The following ETV5 variants were observed in gnomAD, a reference collection of about 807,000 sequenced individuals.
ETV5 encodes the protein ETS translocation variant 5.
In ETV5, 10 loss-of-function variants were observed where a neutral mutation model predicts 70.0. The observed-to-expected ratio is 0.14, with a 90% CI of 0.09 to 0.24. The LOEUF (loss-of-function observed/expected upper bound fraction) is 0.24, where lower values mean the gene tolerates loss of function less well. ETV5 is among the 10% of genes least tolerant of loss of function. The pLI, the probability that ETV5 is intolerant of heterozygous loss-of-function variation, is 1.00. For synonymous variants in ETV5, 216 were observed against 242.2 expected, an observed-to-expected ratio of 0.89 and a Z score of 1.01; for missense variants, 453 against 651.2, an observed-to-expected ratio of 0.70 and a Z score of 3.31.
At chr3:186,108,738 A>C in intron 1 of ETV5, 2 of 983,062 alleles carry the variant, frequency 2.0e-6, no homozygotes, top group Admixed American at 4.5e-5. Context: ...CGTTAGCCGC[A>C]CCCGCCCGAC....
intron 5 of ETV5, among the ~76,000 whole-genome samples, chr3:186,101,271 T>C (rs975012085): frequency 6.6e-6 from 1 of 152,162 alleles, no homozygotes; most frequent in African/African-American, 2.4e-5. Context: ...CTAGGAAACA[T>C]GGCAGTTTTC....
intron 8 of ETV5, among the ~76,000 whole-genome samples, chr3:186,065,144 C>A (rs937618119): frequency 6.6e-6 from 1 of 152,056 alleles, no homozygotes; most frequent in Non-Finnish European, 1.5e-5. Flanking sequence ...TGAGTTGTGT[C>A]CATGTGGGAT....
Position 186,047,592 on chromosome 3 carries a change from C to T in ETV5, c.*1047G>A, listed in dbSNP as rs1443761353. The stretch of plus-strand genomic sequence containing the variant: ...AAGCTTGTGTCCAGGCTGCCCTGCA[C>T]ACTTCAAAAATGTACAACTCAGGTG... On this transcript the variant is annotated 3_prime_UTR_variant, in exon 13 of 13. Coordinates refer to ENST00000306376, the MANE Select transcript of ETV5 (RefSeq NM_004454.3). The T allele has an allele frequency of 4.3e-6, 1 of 232,298 alleles. No individual in the cohort carries two copies. The highest frequency in any genetic ancestry group is 8.5e-6 in the Non-Finnish European group (1 of 117,228). The allele number at this position is 232,298 out of a possible 1,614,324, so 14.4% of individuals were successfully genotyped here.
At chr3:186,061,483 T>C (rs1194204423) in intron 9 of ETV5, among the ~76,000 whole-genome samples, 1 of 152,204 alleles carries the variant, frequency 6.6e-6, no homozygotes, top group East Asian at 1.9e-4. Context: ...AGGCCTGGGA[T>C]GGGTCCTGAG....
At chr3:186,064,358 A>C in intron 9 of ETV5, 59 bp downstream of exon 9, 4 of 1,507,260 alleles carry the variant, frequency 2.7e-6, no homozygotes, top group Non-Finnish European at 3.7e-6. Context: ...AGCCGAGAGA[A>C]AGAAAGGAAG....
intron 6 of ETV5, 52 bp from the exon 7 acceptor site, chr3:186,080,156 A>G: frequency 2.1e-6 from 3 of 1,410,640 alleles, no homozygotes; most frequent in Non-Finnish European, 2.8e-6. Flanking sequence ...AGCCATTAGC[A>G]TGGTTACCAG....
Position 186,105,181 on chromosome 3 carries a change from G to A in ETV5, c.232+124C>T. The A allele has an allele frequency of 2.9e-6, 2 of 700,730 alleles. No homozygotes were observed. Among genetic ancestry groups the A allele is most frequent in the African/African-American group, 1.8e-5 (1 of 54,520 alleles). The allele number at this position is 700,730 out of a possible 1,614,324, so 43.4% of individuals were successfully genotyped here. On this transcript the variant is annotated intron_variant, in intron 5 of 12. Transcript: ENST00000306376. The surrounding 1 kb of genome is among the most constrained non-coding windows in gnomAD (Gnocchi z 4.5). ...TTTCAGGGTTAATTCTGAATTATTAGAAGAAACTAAATGCATACTACTGTC... is the reference window on the plus strand; with the variant it reads ...TTTCAGGGTTAATTCTGAATTATTAAAAGAAACTAAATGCATACTACTGTC...
chr3:186,061,936 A>C (rs1386489536), intron 9 of ETV5, among the ~76,000 whole-genome samples: 1 of 152,228 alleles, frequency 6.6e-6, no homozygotes, highest in Non-Finnish European at 1.5e-5. Context: ...ACAATGTACT[A>C]AAAACAACAA....
chr3:186,082,462 C>T (rs1181615127), intron 5 of ETV5, among the ~76,000 whole-genome samples: 1 of 146,752 alleles, frequency 6.8e-6, no homozygotes, highest in Non-Finnish European at 1.5e-5. Flanking sequence ...GAGTCTTACT[C>T]TGTCGCCCAG....
At chr3:186,059,489 A>G (rs1713254338) in intron 9 of ETV5, among the ~76,000 whole-genome samples, 1 of 152,210 alleles carries the variant, frequency 6.6e-6, no homozygotes, top group African/African-American at 2.4e-5. Flanking sequence ...GATCTTGAAT[A>G]AATTAATCTC....
intron 5 of ETV5, among the ~76,000 whole-genome samples, chr3:186,101,193 CACAA>C (rs759166470): frequency 2.7e-4 from 41 of 152,336 alleles, no homozygotes; most frequent in Admixed American, 2.1e-3. Context: ...TATACACATG[CACAA>C]ACACTTTTTC....
Position 186,060,315 on chromosome 3 carries a change from G to A in ETV5, c.971-2824C>T, listed in dbSNP as rs186489807. Among the ~76,000 whole-genome samples the A allele has an allele frequency of 3.3e-5, 5 of 152,282 alleles. No individual in the cohort carries two copies. In the East Asian group the frequency reaches 9.6e-4, roughly 29 times the overall value. On this transcript the variant is annotated intron_variant, in intron 9 of 12. Transcript: ENST00000306376. ...GTCTGCCTATAAGAAGTATCACTGC[G>A]GTGTATCTTGTGGTTTCTAGTCATC...
At chr3:186,071,114 C>T (rs1409623459) in intron 7 of ETV5, among the ~76,000 whole-genome samples, 3 of 152,046 alleles carry the variant, frequency 2.0e-5, no homozygotes, top group Non-Finnish European at 4.4e-5. Flanking sequence ...ATTTGGTTTA[C>T]GTTATGAAAA....
Position 186,107,884 on chromosome 3 carries a change from T to C in ETV5, c.-75+1056A>G, listed in dbSNP as rs562488013. ...CCCAATTCTCAGCCTTCCCCATTCA[T>C]GAAAACTCCTTCAGCTGCGCCCCCG... On this transcript the variant is annotated intron_variant, in intron 1 of 12. Transcript: ENST00000306376. Among the ~76,000 whole-genome samples the C allele has an allele frequency of 2.3e-3, 356 of 151,898 alleles. 1 individual carries two copies. Among genetic ancestry groups the C allele is most frequent in the African/African-American group, 8.5e-3 (350 of 41,398 alleles).
At chr3:186,055,668 T>C (rs553916733) in intron 11 of ETV5, among the ~76,000 whole-genome samples, 58 of 152,362 alleles carry the variant, frequency 3.8e-4, no homozygotes, top group African/African-American at 1.3e-3. Context: ...ATCAGGATTC[T>C]TCATAAATTT....
Position 186,105,894 on chromosome 3 carries a change from C to CTT in ETV5, c.-28_-27dup. ...GGTGCTTTCAGCGTCTCTAATACCA[C>CTT]TTTGAGAGGTTTCAGCATTGAGTAA... On this transcript the variant is annotated 5_prime_UTR_variant, in exon 2 of 13. The change creates a premature stop within an existing upstream ORF in the 5' untranslated region. Transcript: ENST00000306376. The surrounding 1 kb of genome is among the most constrained non-coding windows in gnomAD (Gnocchi z 4.5). 6.2e-7 allele frequency: 1 copy of CTT among 1,612,730 alleles called. No homozygotes were observed. Among genetic ancestry groups the CTT allele is most frequent in the Non-Finnish European group, 8.5e-7 (1 of 1,179,364 alleles).
In ETV5 at chr3:186,046,741, A is replaced by T. The variant is rs909928054; in HGVS notation, c.*1898T>A. ...AAACCAAATCTATACAGCATTTACA[A>T]CAAATAAATCTCTAGCCAGCTGGGG... On this transcript the variant is annotated 3_prime_UTR_variant, in exon 13 of 13. Coordinates refer to ENST00000306376, the MANE Select transcript of ETV5 (RefSeq NM_004454.3). The T allele has an allele frequency of 4.7e-5, 11 of 233,178 alleles. No individual in the cohort carries two copies. Among genetic ancestry groups the T allele is most frequent in the Non-Finnish European group, 5.9e-5 (7 of 117,812 alleles). 14.4% of individuals were successfully genotyped at this position (233,178 alleles called of 1,614,324 possible).
At chr3:186,085,738 G>C (rs1399682530) in intron 5 of ETV5, among the ~76,000 whole-genome samples, 1 of 152,064 alleles carries the variant, frequency 6.6e-6, no homozygotes, top group Non-Finnish European at 1.5e-5. Context: ...TCAAACTCCT[G>C]ACCTCAGGTG....
At chr3:186,082,011 G>A (rs1713944490) in intron 5 of ETV5, among the ~76,000 whole-genome samples, 1 of 152,250 alleles carries the variant, frequency 6.6e-6, no homozygotes, top group African/African-American at 2.4e-5. Context: ...AGAGGGCAGA[G>A]TAACAAGAAT....
Sources: allele counts gnomAD v4.1 joint callset (sites outside exome capture counted in the v4.1 genomes callset), GRCh38; gene constraint gnomAD v4.1.1; non-coding constraint Gnocchi (gnomAD v3.1); transcripts MANE v1.5; gene names NCBI Gene and HGNC (gene_info 2026-07-23, HGNC 2026-07-21).